The following MAP4 variants were observed in gnomAD, a reference collection of about 807,000 sequenced individuals.
The protein encoded by MAP4 is microtubule associated protein 4.
A neutral mutation model predicts 170.2 loss-of-function variants in MAP4; 76 were observed. The observed-to-expected ratio is 0.45, with a 90% CI of 0.37 to 0.54. The LOEUF (loss-of-function observed/expected upper bound fraction) is 0.54, where lower values mean the gene tolerates loss of function less well. Ranked by LOEUF, MAP4 falls within the 20% of genes least tolerant of loss-of-function variation. The probability of loss-of-function intolerance (pLI) is 0.00; values close to 1 mark genes in which losing one functional copy is unlikely to be tolerated. For missense variants in MAP4, 2,506 were observed against 2,748.0 expected, an observed-to-expected ratio of 0.91 and a Z score of 1.97; for synonymous variants, 909 against 994.5, an observed-to-expected ratio of 0.91 and a Z score of 1.62.
intron 19 of MAP4, among the ~76,000 whole-genome samples, chr3:47,853,726 C>G (rs2048929597): frequency 6.6e-6 from 1 of 151,968 alleles, no homozygotes; most frequent in South Asian, 2.1e-4. Context: ...GTACAGCCCA[C>G]CCTCCCAAAC....
At chr3:48,027,637 G>C (rs1579363771) in intron 1 of MAP4, among the ~76,000 whole-genome samples, 1 of 152,028 alleles carries the variant, frequency 6.6e-6, no homozygotes, top group Non-Finnish European at 1.5e-5. Flanking sequence ...TTAAGCCCAG[G>C]GGCTCGAGAC....
At chr3:47,903,933 C>G (rs2100031503) in intron 9 of MAP4, among the ~76,000 whole-genome samples, 1 of 152,192 alleles carries the variant, frequency 6.6e-6, no homozygotes, top group South Asian at 2.1e-4. Flanking sequence ...AAATTAACCT[C>G]TAATTCACAG....
At chr3:47,973,810 TAATA>T in intron 3 of MAP4, 1 of 985,336 alleles carries the variant, frequency 1.0e-6, no homozygotes, top group Non-Finnish European at 1.2e-6. Context: ...AAAATCAACT[TAATA>T]AATAACTGTA....
intron 1 of MAP4, among the ~76,000 whole-genome samples, chr3:48,053,879 A>G (rs55974176): frequency 1.3e-5 from 2 of 152,358 alleles, no homozygotes; most frequent in East Asian, 3.8e-4. Flanking sequence ...CAAGAAAAAT[A>G]TGTATATATA....
chr3:47,966,805 T>C (rs2100075346), intron 3 of MAP4, among the ~76,000 whole-genome samples: 1 of 152,242 alleles, frequency 6.6e-6, no homozygotes, highest in African/African-American at 2.4e-5. Flanking sequence ...AAAGAGTTTA[T>C]TTCTGGGCTT....
Position 47,932,421 on chromosome 3 carries a change from A to G in MAP4, c.293-4071T>C, listed in dbSNP as rs537979030. Among the ~76,000 whole-genome samples, 8 of 152,276 alleles carry G rather than the reference A, an allele frequency of 5.3e-5. 1 individual carries two copies. In the South Asian group the frequency reaches 1.0e-3, roughly 20 times the overall value. On this transcript the variant is annotated intron_variant, in intron 3 of 20. Coordinates refer to ENST00000683076, the MANE Select transcript of MAP4 (RefSeq NM_001385682.1). ...CAGGTTTTTGTGGGAACGTGTTTCA[A>G]TTATCTTTGATATATCCCTAGGAGT...
At chr3:47,857,115 G>A (rs1253376198) in intron 18 of MAP4, among the ~76,000 whole-genome samples, 6 of 152,174 alleles carry the variant, frequency 3.9e-5, no homozygotes, top group Non-Finnish European at 7.3e-5. Context: ...TGTAATCCTC[G>A]TTTAGAGCCA....
chr3:47,995,121 C>CA (rs2100094637), intron 2 of MAP4, among the ~76,000 whole-genome samples: 1 of 151,248 alleles, frequency 6.6e-6, no homozygotes, highest in Non-Finnish European at 1.5e-5. Flanking sequence ...TTAGCCTGTT[C>CA]AAAAAATGTA....
At chr3:47,980,773 C>T (rs1578715504) in intron 2 of MAP4, among the ~76,000 whole-genome samples, 1 of 152,280 alleles carries the variant, frequency 6.6e-6, no homozygotes, top group East Asian at 1.9e-4. Flanking sequence ...CTTTCACATT[C>T]ACACAATAAG....
chr3:47,872,986 G>T (rs75524740), intron 12 of MAP4, among the ~76,000 whole-genome samples: 1 of 152,196 alleles, frequency 6.6e-6, no homozygotes, highest in Admixed American at 6.5e-5. Flanking sequence ...GGACAGAAGC[G>T]TGAGCTGTAG....
At chr3:47,974,675 TC>T in intron 3 of MAP4, 1 of 959,386 alleles carries the variant, frequency 1.0e-6, no homozygotes, top group Non-Finnish European at 1.2e-6. Flanking sequence ...CTCAACTGGT[TC>T]TAGATTTAAG....
chr3:47,909,371 T>C lies in MAP4; in HGVS notation c.5050A>G (p.Ser1684Gly). ...ATTTCTGGTGTTGGCAAGGAAACGC[T>C]TTCCAATTCCGTGATTTTACAAGCC... ...SLACKITELE[S>G]VSLPTPEIQS... The change falls in exon 9 of 21, where the codon AGC becomes GGC. Residue 1684 changes from serine to glycine, a missense_variant. By Grantham distance (56) the Ser-to-Gly change is moderately conservative. Coordinates refer to ENST00000683076, the MANE Select transcript of MAP4 (RefSeq NM_001385682.1). 1 of 1,613,974 alleles carries C rather than the reference T, an allele frequency of 6.2e-7. No homozygotes were observed. The highest frequency in any genetic ancestry group is 8.5e-7 in the Non-Finnish European group (1 of 1,179,864).
intron 4 of MAP4, among the ~76,000 whole-genome samples, chr3:47,922,863 T>C (rs1261260241): frequency 1.3e-5 from 2 of 152,022 alleles, no homozygotes; most frequent in Non-Finnish European, 1.5e-5. Context: ...TCCTGGCTAA[T>C]AGAGTGAAAC....
chr3:47,863,300 A>T (rs959486585), intron 17 of MAP4, among the ~76,000 whole-genome samples: 3 of 152,228 alleles, frequency 2.0e-5, no homozygotes, highest in Non-Finnish European at 4.4e-5. Context: ...AAAAAGCTTA[A>T]CTGAGCCTCA....
chr3:47,997,301 T>C (rs2100096303), intron 2 of MAP4, among the ~76,000 whole-genome samples: 1 of 55,552 alleles, frequency 1.8e-5, no homozygotes, highest in South Asian at 5.1e-4. Context: ...CAAAATATCA[T>C]CTAAACACAA....
intron 3 of MAP4, among the ~76,000 whole-genome samples, chr3:47,958,931 C>T (rs1179813441): frequency 6.6e-6 from 1 of 152,064 alleles, no homozygotes; most frequent in African/African-American, 2.4e-5. Context: ...ATCCACCCAA[C>T]TCGGCCTCCC....
chr3:48,040,680 C>T (rs980101038), intron 1 of MAP4, among the ~76,000 whole-genome samples: 2 of 152,216 alleles, frequency 1.3e-5, no homozygotes, highest in Non-Finnish European at 2.9e-5. Context: ...TCTCCTGCCT[C>T]AGCCTCCTGA....
intron 3 of MAP4, among the ~76,000 whole-genome samples, chr3:47,952,167 T>A (rs1346242949): frequency 6.6e-6 from 1 of 150,910 alleles, no homozygotes; most frequent in African/African-American, 2.4e-5. Context: ...CCACCCCGTC[T>A]GGGAAGTGAG....
At chr3:48,029,706 T>C (rs1006792377) in intron 1 of MAP4, among the ~76,000 whole-genome samples, 2 of 151,948 alleles carry the variant, frequency 1.3e-5, no homozygotes, top group Admixed American at 6.6e-5. Context: ...AAAATCGTAG[T>C]AAAAAGAGGT....
Sources: allele counts gnomAD v4.1 joint callset (sites outside exome capture counted in the v4.1 genomes callset), GRCh38; gene constraint gnomAD v4.1.1; transcripts MANE v1.5; gene names NCBI Gene and HGNC (gene_info 2026-07-23, HGNC 2026-07-21).